TPD52L1: variants seen among roughly 807,000 people sequenced by gnomAD.
TPD52L1 encodes tumor protein D53.
In TPD52L1, 18 loss-of-function variants were observed where a neutral mutation model predicts 28.7. That is an observed-to-expected ratio of 0.63 (90% CI 0.43 to 0.93). TPD52L1 has a LOEUF of 0.93. Ranked by LOEUF, TPD52L1 falls within the 40% of genes least tolerant of loss-of-function variation. The pLI, the probability that TPD52L1 is intolerant of heterozygous loss-of-function variation, is 0.00. For missense variants in TPD52L1, 203 were observed against 254.8 expected (o/e 0.80, Z 1.39); for synonymous variants, 75 against 88.8 (o/e 0.84, Z 0.88).
chr6:125,167,126 G>A (rs369375051), intron 1 of TPD52L1, among the ~76,000 whole-genome samples: 10 of 152,150 alleles, frequency 6.6e-5, no homozygotes, highest in African/African-American at 1.2e-4. Flanking sequence ...TTAGCCAGGC[G>A]TGGTAGTGCA....
At chr6:125,158,351 A>C (rs1432151816) in intron 1 of TPD52L1, among the ~76,000 whole-genome samples, 1 of 152,182 alleles carries the variant, frequency 6.6e-6, no homozygotes, top group Non-Finnish European at 1.5e-5. Flanking sequence ...TTTAAATGAA[A>C]ATGTCATTAT....
intron 1 of TPD52L1, among the ~76,000 whole-genome samples, chr6:125,216,870 A>C (rs1159529424): frequency 6.6e-6 from 1 of 152,068 alleles, no homozygotes; most frequent in African/African-American, 2.4e-5. Flanking sequence ...ATTGATTCAG[A>C]CATAAGGATG....
In TPD52L1 at chr6:125,228,368, T is replaced by C. The variant is rs1445927691; in HGVS notation, c.136-750T>C. Among the ~76,000 whole-genome samples, 6 of 152,226 alleles carry C rather than the reference T, an allele frequency of 3.9e-5. No individual in the cohort carries two copies. In the East Asian group the frequency reaches 1.2e-3, roughly 29 times the overall value. ...ATACACTTTAAATGTCTGCAGCTTATTGTATGACAGTTACAGGTCAATGAA... is the reference window on the plus strand; with the variant it reads ...ATACACTTTAAATGTCTGCAGCTTACTGTATGACAGTTACAGGTCAATGAA... On this transcript the variant is annotated intron_variant, in intron 2 of 6. Coordinates refer to ENST00000534000, the MANE Select transcript of TPD52L1 (RefSeq NM_003287.4).
chr6:125,258,842 T>C (rs1043006044), intron 6 of TPD52L1, among the ~76,000 whole-genome samples: 7 of 152,210 alleles, frequency 4.6e-5, no homozygotes, highest in South Asian at 2.1e-4. Context: ...TGTATGACTG[T>C]TCATGGTTTA....
Position 125,258,905 on chromosome 6 carries a change from CT to C in TPD52L1, c.486+1752del, listed in dbSNP as rs1343984545. Among the ~76,000 whole-genome samples the C allele has an allele frequency of 3.3e-5, 5 of 152,194 alleles. No individual in the cohort carries two copies. The South Asian group carries it at 8.3e-4, about 25-fold the overall frequency. On this transcript the variant is annotated intron_variant, in intron 6 of 6. Transcript: ENST00000534000. ...ATTTCATGGCCAAAGCCTAATTCCT[CT>C]TTTTCTGTCCACACAGGCAATGCAG...
At chr6:125,172,107 T>TCC (rs1791368207) in intron 1 of TPD52L1, among the ~76,000 whole-genome samples, 26 of 55,904 alleles carry the variant, frequency 4.7e-4, no homozygotes, top group South Asian at 4.0e-3. Context: ...TCCCTTTCTT[T>TCC]CTTTCTTTCT....
chr6:125,194,172 G>C lies in TPD52L1; in HGVS notation c.20-25906G>C, dbSNP rs75179105. On this transcript the variant is annotated intron_variant, in intron 1 of 6. Coordinates refer to ENST00000534000, the MANE Select transcript of TPD52L1 (RefSeq NM_003287.4). ...TTACTTAATTATAGGATTAGTTTTA[G>C]GTGTGACTTTTTCCATTTCCTTTGG... is the stretch of plus-strand genomic sequence containing the variant. Among the ~76,000 whole-genome samples the C allele has an allele frequency of 2.2e-3, 335 of 151,964 alleles. 1 individual carries two copies. The highest frequency in any genetic ancestry group is 4.1e-3 in the Non-Finnish European group (276 of 67,970).
intron 2 of TPD52L1, among the ~76,000 whole-genome samples, chr6:125,224,162 G>C (rs1323484021): frequency 2.0e-5 from 3 of 151,358 alleles, no homozygotes; most frequent in Admixed American, 6.6e-5. Context: ...TTTATGTTTA[G>C]TATTTCATAA....
intron 3 of TPD52L1, among the ~76,000 whole-genome samples, chr6:125,239,096 T>G (rs6913066): frequency 6.6e-6 from 1 of 152,200 alleles, no homozygotes; most frequent in Non-Finnish European, 1.5e-5. Context: ...CCACCAGCAG[T>G]GTAAAAGTAT....
chr6:125,171,482 G>T (rs910149578), intron 1 of TPD52L1, among the ~76,000 whole-genome samples: 7 of 152,164 alleles, frequency 4.6e-5, no homozygotes, highest in Non-Finnish European at 7.3e-5. Flanking sequence ...ACATTAATAA[G>T]ACTTCGTTTT....
At chr6:125,169,798 A>G (rs923011896) in intron 1 of TPD52L1, among the ~76,000 whole-genome samples, 8 of 152,180 alleles carry the variant, frequency 5.3e-5, no homozygotes, top group African/African-American at 1.9e-4. Flanking sequence ...CTCATGGTGT[A>G]TCATGACACT....
intron 1 of TPD52L1, among the ~76,000 whole-genome samples, chr6:125,180,398 G>A (rs1792106230): frequency 6.6e-6 from 1 of 152,040 alleles, no homozygotes. Flanking sequence ...CTTATGGTCA[G>A]TTTGACACAG....
At chr6:125,225,272 C>G (rs762812966) in intron 2 of TPD52L1, among the ~76,000 whole-genome samples, 5 of 152,190 alleles carry the variant, frequency 3.3e-5, no homozygotes, top group Non-Finnish European at 7.3e-5. Flanking sequence ...GGGCTGTAGT[C>G]ACCTTTGGTC....
At chr6:125,166,050 C>A (rs1331409008) in intron 1 of TPD52L1, among the ~76,000 whole-genome samples, 1 of 152,080 alleles carries the variant, frequency 6.6e-6, no homozygotes, top group Non-Finnish European at 1.5e-5. Context: ...AAAAAGAAAG[C>A]TTTTTATTGC....
intron 4 of TPD52L1, chr6:125,253,357 T>TA (rs1797392961): frequency 3.9e-6 from 1 of 258,632 alleles, no homozygotes; most frequent in South Asian, 7.3e-5. Flanking sequence ...TTTTGCTCCT[T>TA]ACTGTTTTCC....
intron 1 of TPD52L1, among the ~76,000 whole-genome samples, chr6:125,167,665 A>G (rs1246257602): frequency 1.3e-5 from 2 of 152,240 alleles, no homozygotes; most frequent in South Asian, 2.1e-4. Flanking sequence ...GGTGCTATTC[A>G]TCAGTCAGAA....
At chr6:125,192,390 T>C (rs532610619) in intron 1 of TPD52L1, among the ~76,000 whole-genome samples, 19 of 151,944 alleles carry the variant, frequency 1.3e-4, no homozygotes, top group Non-Finnish European at 2.2e-4. Context: ...GCTTAGAGCA[T>C]AGTCTATGCA....
chr6:125,218,998 G>C (rs993327420), intron 1 of TPD52L1, among the ~76,000 whole-genome samples: 3 of 152,168 alleles, frequency 2.0e-5, no homozygotes, highest in African/African-American at 7.2e-5. Flanking sequence ...GAAAAAGAAA[G>C]GACAGACTCC....
intron 1 of TPD52L1, among the ~76,000 whole-genome samples, chr6:125,163,901 AGT>A (rs1437471412): frequency 9.5e-5 from 14 of 148,130 alleles, no homozygotes; most frequent in African/African-American, 3.5e-4. Context: ...TGGGTGACAG[AGT>A]GACACTCTGT....
Sources: allele counts gnomAD v4.1 joint callset (sites outside exome capture counted in the v4.1 genomes callset), GRCh38; gene constraint gnomAD v4.1.1; transcripts MANE v1.5; gene names NCBI Gene and HGNC (gene_info 2026-07-23, HGNC 2026-07-21).